Variants in MATN2 observed in about 807,000 individuals in gnomAD.
MATN2 encodes the protein matrilin 2.
Under a neutral mutation model 103.2 loss-of-function variants are expected in MATN2, and 69 were observed. That is an observed-to-expected ratio of 0.67 (90% CI 0.55 to 0.82). The LOEUF (loss-of-function observed/expected upper bound fraction) is 0.82, where lower values mean the gene tolerates loss of function less well. Ranked by LOEUF, MATN2 falls within the 40% of genes least tolerant of loss-of-function variation. The pLI is 0.00. For missense variants in MATN2, 1,023 were observed against 1,211.5 expected (o/e 0.84, Z 2.31); for synonymous variants, 429 against 450.2 (o/e 0.95, Z 0.60).
chr8:98,021,473 C>CT (rs1813588683), intron 13 of MATN2, 146 bp downstream of exon 13: 1 of 883,802 alleles, frequency 1.1e-6, no homozygotes, highest in Non-Finnish European at 1.7e-6. Context: ...GAAGAGAGGG[C>CT]TTAACTGCAG....
At chr8:97,988,171 A>AAAAT (rs1252963740) in intron 6 of MATN2, among the ~76,000 whole-genome samples, 7 of 46,118 alleles carry the variant, frequency 1.5e-4, no homozygotes, top group African/African-American at 7.7e-4. Context: ...AAAAAAAAAA[A>AAAAT]ATATATATAT....
At chr8:98,018,924 G>A (rs1813471965) in intron 12 of MATN2, among the ~76,000 whole-genome samples, 1 of 151,600 alleles carries the variant, frequency 6.6e-6, no homozygotes. Flanking sequence ...GCTTCTATAG[G>A]TCACCCAGAA....
chr8:97,951,406 T>G (rs568863642), intron 4 of MATN2, among the ~76,000 whole-genome samples: 1 of 152,178 alleles, frequency 6.6e-6, no homozygotes, highest in Non-Finnish European at 1.5e-5. Context: ...CTTGGCTGTT[T>G]TTATGAGGAC....
chr8:97,936,523 T>C (rs1420565314), intron 3 of MATN2, among the ~76,000 whole-genome samples: 1 of 151,432 alleles, frequency 6.6e-6, no homozygotes, highest in Non-Finnish European at 1.5e-5. Context: ...TGCCCAGTAA[T>C]ACAAGACCTC....
chr8:97,989,468 CAAAAA>C (rs34047188), intron 6 of MATN2, among the ~76,000 whole-genome samples: 1 of 129,772 alleles, frequency 7.7e-6, no homozygotes, highest in Non-Finnish European at 1.6e-5. Context: ...GACTCCATCT[CAAAAA>C]AAAAAAAAAA....
intron 1 of MATN2, among the ~76,000 whole-genome samples, chr8:97,873,086 G>A (rs143517709): frequency 6.6e-5 from 10 of 152,254 alleles, no homozygotes; most frequent in Middle Eastern, 3.4e-3. Context: ...TGAGCCAACC[G>A]CACCCGGCCC....
intron 13 of MATN2, among the ~76,000 whole-genome samples, chr8:98,022,551 A>T (rs1398630636): frequency 6.6e-6 from 1 of 152,160 alleles, no homozygotes; most frequent in Non-Finnish European, 1.5e-5. Flanking sequence ...TTTGTAGAAA[A>T]AAATTTTGAG....
At chr8:97,890,600 A>G (rs1261373337) in intron 2 of MATN2, among the ~76,000 whole-genome samples, 2 of 152,100 alleles carry the variant, frequency 1.3e-5, no homozygotes, top group Non-Finnish European at 2.9e-5. Flanking sequence ...ATGGAAAAGC[A>G]TGCTCATTGG....
Position 98,007,165 on chromosome 8 carries a change from ATTCC to A in MATN2, c.1392_1395del (p.Phe465SerfsTer25). Reference sequence around the variant, plus strand: ...GAGCAGCTGTGTCTGAACACGGAGGATTCCTTCGTCTGCCAGTGCTCAGAAGGCT... The same window carrying A: ...GAGCAGCTGTGTCTGAACACGGAGGATTCGTCTGCCAGTGCTCAGAAGGCT... On this transcript the variant is annotated frameshift_variant, in exon 9 of 19. Coordinates refer to ENST00000254898, the MANE Select transcript of MATN2 (RefSeq NM_002380.5). LOFTEE classifies it high-confidence loss of function. This position sits in a 1 kb window ranked among gnomAD's most constrained non-coding sequence, Gnocchi z 4.2. 1 of 1,613,694 alleles carries A rather than the reference ATTCC, an allele frequency of 6.2e-7. No homozygotes were observed. Among genetic ancestry groups the A allele is most frequent in the East Asian group, 2.2e-5 (1 of 44,852 alleles).
rs2130142840 is a variant in MATN2 at position 97,931,439 on chromosome 8, A to G, written c.629A>G (p.Glu210Gly). Residue 210 changes from glutamate to glycine, a missense_variant, in exon 3 of 19, where the codon GAG becomes GGG. Physicochemically the swap from Glu to Gly is moderately conservative, Grantham distance 98. Coordinates refer to ENST00000254898, the MANE Select transcript of MATN2 (RefSeq NM_002380.5). The surrounding 1 kb of genome is among the most constrained non-coding windows in gnomAD (Gnocchi z 4.1). ...DFNTLKSIGS[E>G]PHEDHVFLVA... ...AACACCTTGAAGTCCATTGGGAGTG[A>G]GCCCCATGAGGACCATGTCTTCCTT... 4 of 1,613,714 alleles carry G rather than the reference A, an allele frequency of 2.5e-6. No homozygotes were observed. In the East Asian group the frequency reaches 6.7e-5, roughly 27 times the overall value.
At chr8:97,873,940 C>A (rs868329951) in intron 1 of MATN2, among the ~76,000 whole-genome samples, 1 of 152,276 alleles carries the variant, frequency 6.6e-6, no homozygotes, top group South Asian at 2.1e-4. Flanking sequence ...TAACCCTCAA[C>A]TTTGGCCCTT....
At position 98,005,977 on chromosome 8, in the gene MATN2, G is replaced by A. The variant is rs571118957; in HGVS notation, c.1328-1128G>A. 9.2e-5 allele frequency among the ~76,000 whole-genome samples: 14 copies of A among 152,344 alleles called. No individual in the cohort carries two copies. Among genetic ancestry groups the A allele is most frequent in the South Asian group, 2.1e-4 (1 of 4,826 alleles). On this transcript the variant is annotated intron_variant, in intron 8 of 18. Transcript: ENST00000254898. The surrounding 1 kb of genome is among the most constrained non-coding windows in gnomAD (Gnocchi z 4.6). ...GGAAGGCACTGGTCCCAGACTCTGC[G>A]GGAGTCAAGAGGCCCACTTGGCAGA...
At chr8:97,950,918 C>T (rs1279574986) in intron 4 of MATN2, 2 of 152,192 alleles carry the variant, frequency 1.3e-5, no homozygotes, top group Non-Finnish European at 2.9e-5. Flanking sequence ...TGGTGGTGGT[C>T]GTTGACCCTG....
chr8:97,982,599 G>T lies in MATN2; in HGVS notation c.1081+3591G>T, dbSNP rs933346422. On this transcript the variant is annotated intron_variant, in intron 6 of 18. Transcript: ENST00000254898. This position sits in a 1 kb window ranked among gnomAD's most constrained non-coding sequence, Gnocchi z 4.3. ...TAGTCAATGTAATAAACCAAGCATG[G>T]TTAATTTATGATTAAGCAAAAATGT... 1.3e-5 allele frequency among the ~76,000 whole-genome samples: 2 copies of T among 152,120 alleles called. No individual in the cohort carries two copies. Among genetic ancestry groups the T allele is most frequent in the African/African-American group, 4.8e-5 (2 of 41,416 alleles).
intron 2 of MATN2, among the ~76,000 whole-genome samples, chr8:97,894,445 C>A (rs898735418): frequency 1.3e-5 from 2 of 149,134 alleles, no homozygotes; most frequent in African/African-American, 4.9e-5. Context: ...GTCAGCTTCC[C>A]AACTAACTGG....
chr8:97,941,071 A>C (rs931921293), intron 3 of MATN2, among the ~76,000 whole-genome samples: 1 of 142,052 alleles, frequency 7.0e-6, no homozygotes, highest in African/African-American at 2.6e-5. Flanking sequence ...CTGAGGTGGG[A>C]GGATGGCTTT....
intron 12 of MATN2, among the ~76,000 whole-genome samples, chr8:98,020,597 AG>A (rs35562047): frequency 6.6e-6 from 1 of 152,216 alleles, no homozygotes; most frequent in African/African-American, 2.4e-5. Flanking sequence ...TGCTTCCTAG[AG>A]GGATGTGTTC....
intron 15 of MATN2, 84 bp from the exon 16 acceptor site, chr8:98,032,162 A>G: frequency 9.6e-7 from 1 of 1,037,692 alleles, no homozygotes; most frequent in African/African-American, 1.6e-5. Flanking sequence ...GTAGGTAAGG[A>G]GGTGGTCTGG....
chr8:97,898,062 C>G (rs74755451), intron 2 of MATN2, among the ~76,000 whole-genome samples: 2 of 152,228 alleles, frequency 1.3e-5, no homozygotes, highest in Admixed American at 1.3e-4. Context: ...CCAGTACCCC[C>G]CTTCCTCATT....
Sources: gnomAD v4.1 joint callset for allele counts (sites outside exome capture counted in the v4.1 genomes callset) on GRCh38, gnomAD v4.1.1 for gene constraint, Gnocchi (gnomAD v3.1) non-coding constraint, MANE v1.5 for transcripts, NCBI Gene and HGNC (gene_info 2026-07-23, HGNC 2026-07-21) for gene names.